The following CNTNAP2 variants were observed in gnomAD, a reference collection of about 807,000 sequenced individuals.
The protein encoded by CNTNAP2 is contactin-associated protein-like 2.
A neutral mutation model predicts 155.2 loss-of-function variants in CNTNAP2; 98 were observed. That is an observed-to-expected ratio of 0.63 (90% CI 0.54 to 0.75). CNTNAP2 has a LOEUF of 0.75. CNTNAP2 is among the 30% of genes least tolerant of loss of function. CNTNAP2 has a pLI of 0.00. For synonymous variants in CNTNAP2, 651 were observed against 631.2 expected (o/e 1.03, Z -0.47); for missense variants, 1,727 against 1,688.1 (o/e 1.02, Z -0.40).
intron 3 of CNTNAP2, among the ~76,000 whole-genome samples, chr7:146,931,083 G>A (rs1330253411): frequency 6.6e-6 from 1 of 151,684 alleles, no homozygotes; most frequent in Non-Finnish European, 1.5e-5. Context: ...GCACCAAGTG[G>A]ACCTAATAGA....
chr7:147,517,186 G>A (rs190148025), intron 11 of CNTNAP2, among the ~76,000 whole-genome samples: 6 of 151,906 alleles, frequency 3.9e-5, no homozygotes, highest in East Asian at 1.9e-4. Context: ...TAATGAATTC[G>A]ATTAAGATTT....
chr7:146,625,420 A>T (rs575926878), intron 1 of CNTNAP2, among the ~76,000 whole-genome samples: 28 of 152,148 alleles, frequency 1.8e-4, no homozygotes, highest in African/African-American at 6.5e-4. Flanking sequence ...ATCCTCTTCT[A>T]CCCACAAATT....
At chr7:147,166,593 CT>C (rs1802118245) in intron 8 of CNTNAP2, among the ~76,000 whole-genome samples, 1 of 152,090 alleles carries the variant, frequency 6.6e-6, no homozygotes, top group Non-Finnish European at 1.5e-5. Context: ...ACCAAACAGG[CT>C]TTGTGTGAGC....
rs980590742 is a variant in CNTNAP2, at chr7:148,097,713, C to T, written c.2384-20405C>T. Among the ~76,000 whole-genome samples, 18 of 152,276 alleles carry T rather than the reference C, an allele frequency of 1.2e-4. No individual in the cohort carries two copies. The East Asian group carries it at 2.9e-3, about 25-fold the overall frequency. ...AGTAACTCTGTCTCCATGTGGATAG[C>T]GGTCTTTTGAAGCCCTCCTCGGCTG... On this transcript the variant is annotated intron_variant, in intron 15 of 23. Coordinates refer to ENST00000361727, the MANE Select transcript of CNTNAP2 (RefSeq NM_014141.6).
chr7:148,365,140 G>A (rs377325271), intron 21 of CNTNAP2, among the ~76,000 whole-genome samples: 7 of 152,148 alleles, frequency 4.6e-5, no homozygotes, highest in African/African-American at 1.7e-4. Context: ...GAGCTCAAAT[G>A]TAATCTCCTC....
chr7:146,386,993 A>T (rs1312673485), intron 1 of CNTNAP2, among the ~76,000 whole-genome samples: 1 of 152,162 alleles, frequency 6.6e-6, no homozygotes, highest in Non-Finnish European at 1.5e-5. Context: ...TGCCCCTAAA[A>T]TAGAGAAGCC....
chr7:148,024,157 T>TAAAAA (rs34591496), intron 15 of CNTNAP2, among the ~76,000 whole-genome samples: 55 of 107,572 alleles, frequency 5.1e-4, no homozygotes, highest in Non-Finnish European at 4.2e-4. Flanking sequence ...CTTTAAAGTG[T>TAAAAA]AAAAAAAAAA....
chr7:147,256,443 G>A (rs1223319445), intron 8 of CNTNAP2, among the ~76,000 whole-genome samples: 1 of 152,132 alleles, frequency 6.6e-6, no homozygotes, highest in Non-Finnish European at 1.5e-5. Flanking sequence ...GTGTAAAAAT[G>A]GCATGATAAG....
chr7:147,944,867 A>G (rs1380761095), intron 14 of CNTNAP2, among the ~76,000 whole-genome samples: 1 of 152,148 alleles, frequency 6.6e-6, no homozygotes, highest in Non-Finnish European at 1.5e-5. Flanking sequence ...TAATCCTTCT[A>G]GCTACACTTT....
chr7:146,789,160 T>A (rs1802629032), intron 2 of CNTNAP2, among the ~76,000 whole-genome samples: 1 of 152,214 alleles, frequency 6.6e-6, no homozygotes, highest in Non-Finnish European at 1.5e-5. Context: ...TTGCCTAAGG[T>A]CACAGCTAAC....
At position 147,817,577 on chromosome 7, in the gene CNTNAP2, T is replaced by TAA. The variant is rs529134043; in HGVS notation, c.2099-85988_2099-85987insAA. ...CTTATTCACGTAATTAAATGCCACC[T>TAA]GTACTCCAATAACTTATGGGAAAAA... On this transcript the variant is annotated intron_variant, in intron 13 of 23. Transcript: ENST00000361727. Among the ~76,000 whole-genome samples the TAA allele has an allele frequency of 2.4e-3, 361 of 152,206 alleles. 1 individual carries two copies. The highest frequency in any genetic ancestry group is 8.4e-3 in the African/African-American group (348 of 41,526).
At position 148,228,827 on chromosome 7, in the gene CNTNAP2, C is replaced by CA. The variant is rs10657103; in HGVS notation, c.3248-803dup. 2.1e-3 allele frequency among the ~76,000 whole-genome samples: 254 copies of CA among 118,664 alleles called. 1 individual carries two copies. Among genetic ancestry groups the CA allele is most frequent in the African/African-American group, 3.7e-3 (114 of 30,556 alleles). The allele number at this position is 118,664 out of a possible 152,430, so 77.8% of individuals were successfully genotyped here. ...TGGGCGACAGAGCGAGACTCTGTTT[C>CA]AAAAAAAAAAAAAAAACTATGTTTA... On this transcript the variant is annotated intron_variant, in intron 19 of 23. Transcript: ENST00000361727.
At chr7:147,792,340 T>C (rs1797832892) in intron 13 of CNTNAP2, among the ~76,000 whole-genome samples, 1 of 149,858 alleles carries the variant, frequency 6.7e-6, no homozygotes, top group Admixed American at 6.6e-5. Context: ...AACCATTTTC[T>C]ATCTCCGCCA....
chr7:146,412,197 C>A (rs1795876457), intron 1 of CNTNAP2, among the ~76,000 whole-genome samples: 1 of 152,172 alleles, frequency 6.6e-6, no homozygotes, highest in African/African-American at 2.4e-5. Flanking sequence ...CCCTGGAGCC[C>A]TGCAGGTCGG....
intron 9 of CNTNAP2, among the ~76,000 whole-genome samples, chr7:147,384,705 G>A (rs1347947417): frequency 1.3e-5 from 2 of 152,116 alleles, no homozygotes; most frequent in African/African-American, 2.4e-5. Context: ...TAGAGCTCTT[G>A]GATGACAGAA....
chr7:147,132,070 G>A (rs1217831757), intron 7 of CNTNAP2, among the ~76,000 whole-genome samples, 175 bp from the exon 8 acceptor site: 1 of 152,114 alleles, frequency 6.6e-6, no homozygotes, highest in Non-Finnish European at 1.5e-5. Flanking sequence ...TACACTCCAA[G>A]TAGATCCGTA....
At position 148,229,661 on chromosome 7, in the gene CNTNAP2, G is replaced by A. The variant is rs201827086; in HGVS notation, c.3263G>A (p.Arg1088Gln). Residue 1088 changes from arginine to glutamine, a missense_variant, in exon 20 of 24, where the codon CGA becomes CAA. Arg to Gln is a conservative substitution (Grantham distance 43). Transcript: ENST00000361727. The stretch of plus-strand genomic sequence containing the variant: ...TCTTCTATAGGAAGCTTACAGATTC[G>A]ATACAACCTGGGTGGCACCCGAGAG... ...LVKPTGSLQIRYNLGGTREPY... is the reference protein window; with the variant it reads ...LVKPTGSLQIQYNLGGTREPY... 15 of 1,614,022 alleles carry A rather than the reference G, an allele frequency of 9.3e-6. No homozygotes were observed. Among genetic ancestry groups the A allele is most frequent in the Admixed American group, 5.0e-5 (3 of 60,004 alleles).
At chr7:148,227,680 G>A (rs1457575052) in intron 19 of CNTNAP2, among the ~76,000 whole-genome samples, 1 of 152,208 alleles carries the variant, frequency 6.6e-6, no homozygotes, top group African/African-American at 2.4e-5. Flanking sequence ...CCAATCCACG[G>A]TGCTTAGTTG....
intron 12 of CNTNAP2, among the ~76,000 whole-genome samples, chr7:147,591,142 A>G (rs1052120594): frequency 6.6e-6 from 1 of 152,212 alleles, no homozygotes; most frequent in African/African-American, 2.4e-5. Context: ...CCAAGCATCA[A>G]TTTACTAAAC....
Sources: allele counts gnomAD v4.1 joint callset (sites outside exome capture counted in the v4.1 genomes callset), GRCh38; gene constraint gnomAD v4.1.1; transcripts MANE v1.5; gene names NCBI Gene and HGNC (gene_info 2026-07-23, HGNC 2026-07-21).